The following TSHZ2 variants were observed in gnomAD, a reference collection of about 807,000 sequenced individuals.
TSHZ2 encodes the protein teashirt homolog 2.
In TSHZ2, 21 loss-of-function variants were observed where a neutral mutation model predicts 74.4. That is an observed-to-expected ratio of 0.28 (90% CI 0.20 to 0.41). The LOEUF is 0.41. Among genes scored for constraint, TSHZ2 ranks in the 10% least tolerant of loss-of-function variants. The probability of loss-of-function intolerance (pLI) is 1.00; values close to 1 mark genes in which losing one functional copy is unlikely to be tolerated. For synonymous variants in TSHZ2, 540 were observed against 515.3 expected (o/e 1.05, Z -0.65); for missense variants, 1,244 against 1,293.5 (o/e 0.96, Z 0.59).
intron 1 of TSHZ2, among the ~76,000 whole-genome samples, chr20:53,083,343 G>A (rs987471683): frequency 2.6e-5 from 4 of 152,138 alleles, no homozygotes; most frequent in Non-Finnish European, 5.9e-5. Flanking sequence ...ATAAGACATT[G>A]CTTGTAGGCC....
At chr20:53,425,869 TAGC>T (rs753839661) in intron 2 of TSHZ2, among the ~76,000 whole-genome samples, 1 of 151,990 alleles carries the variant, frequency 6.6e-6, no homozygotes, top group Non-Finnish European at 1.5e-5. Context: ...CAGAAACAGG[TAGC>T]AGGCTGAATT....
intron 1 of TSHZ2, among the ~76,000 whole-genome samples, chr20:53,231,241 C>T (rs1395672444): frequency 6.6e-6 from 1 of 152,192 alleles, no homozygotes; most frequent in East Asian, 1.9e-4. Context: ...TGACGGGAGA[C>T]AGAATATAGG....
chr20:53,336,266 C>T (rs1227338799), intron 2 of TSHZ2, among the ~76,000 whole-genome samples: 2 of 152,176 alleles, frequency 1.3e-5, no homozygotes, highest in Non-Finnish European at 2.9e-5. Flanking sequence ...AGAAATTCTA[C>T]CACGTCTCCT....
At chr20:53,428,640 TG>T (rs201980673) in intron 2 of TSHZ2, among the ~76,000 whole-genome samples, 2,324 of 152,280 alleles carry the variant, frequency 0.015, 21 homozygotes, top group Non-Finnish European at 0.022. Context: ...AACAGACAAA[TG>T]GGAAATTGTA....
At chr20:53,193,752 C>T (rs1485844119) in intron 1 of TSHZ2, among the ~76,000 whole-genome samples, 1 of 152,218 alleles carries the variant, frequency 6.6e-6, no homozygotes, top group Non-Finnish European at 1.5e-5. Context: ...GAGATTGCCA[C>T]TGCCATCCGC....
intron 2 of TSHZ2, among the ~76,000 whole-genome samples, chr20:53,345,891 C>T (rs543056942): frequency 5.5e-4 from 83 of 152,042 alleles, no homozygotes; most frequent in Non-Finnish European, 1.1e-3. Context: ...CACGAGGCAC[C>T]GGCAGCAGCC....
chr20:53,463,936 G>A (rs752050053), intron 2 of TSHZ2, among the ~76,000 whole-genome samples: 77 of 152,310 alleles, frequency 5.1e-4, no homozygotes, highest in Admixed American at 1.8e-3. Context: ...ACAATGGACC[G>A]AAGTGCTGAA....
At chr20:53,366,540 T>C (rs1255583822) in intron 2 of TSHZ2, among the ~76,000 whole-genome samples, 1 of 152,212 alleles carries the variant, frequency 6.6e-6, no homozygotes, top group Non-Finnish European at 1.5e-5. Context: ...TTACTACCTT[T>C]GTGGAAAGCG....
At chr20:53,188,019 G>C (rs1040345877) in intron 1 of TSHZ2, among the ~76,000 whole-genome samples, 1 of 152,136 alleles carries the variant, frequency 6.6e-6, no homozygotes, top group Non-Finnish European at 1.5e-5. Context: ...AAGACTTTCT[G>C]TTCCTGGAAC....
intron 2 of TSHZ2, among the ~76,000 whole-genome samples, chr20:53,350,077 C>T (rs1046586558): frequency 2.0e-5 from 3 of 152,190 alleles, no homozygotes; most frequent in African/African-American, 4.8e-5. Context: ...TGTATAAGGA[C>T]CCCTGTGATT....
rs552606246 is a variant in TSHZ2, at chr20:53,343,892, C to T, written c.*8+87321C>T. On this transcript the variant is annotated intron_variant, in intron 2 of 2. Transcript: ENST00000371497. ...AGAGCCAGGCATGAATAGCCTATCC[C>T]CGGCTCTAGCGGAACTCTTTACTTC... is the stretch of plus-strand genomic sequence containing the variant. Among the ~76,000 whole-genome samples, 77 of 152,294 alleles carry T rather than the reference C, an allele frequency of 5.1e-4. No individual in the cohort carries two copies. The Middle Eastern group carries it at 0.01, about 20-fold the overall frequency.
intron 2 of TSHZ2, among the ~76,000 whole-genome samples, chr20:53,344,096 T>C (rs1253261108): frequency 1.3e-5 from 2 of 152,002 alleles, no homozygotes; most frequent in Non-Finnish European, 2.9e-5. Context: ...TCCTTGTAAA[T>C]TGAGATATTT....
chr20:53,416,181 A>T (rs1225919654), intron 2 of TSHZ2, among the ~76,000 whole-genome samples: 1 of 152,168 alleles, frequency 6.6e-6, no homozygotes, highest in Non-Finnish European at 1.5e-5. Context: ...TTAGAGGGAG[A>T]TGAGAGAGAA....
intron 1 of TSHZ2, among the ~76,000 whole-genome samples, chr20:53,096,506 G>T (rs773350166): frequency 1.4e-4 from 21 of 152,070 alleles, no homozygotes; most frequent in Non-Finnish European, 2.6e-4. Context: ...TTTAGCAAAG[G>T]GGCAGGCGTG....
intron 2 of TSHZ2, among the ~76,000 whole-genome samples, chr20:53,295,268 T>C (rs1344482287): frequency 1.3e-5 from 2 of 150,060 alleles, no homozygotes; most frequent in African/African-American, 4.8e-5. Context: ...AACCCTCCTG[T>C]TCAAATCTTG....
chr20:53,095,060 A>T (rs1600686812), intron 1 of TSHZ2, among the ~76,000 whole-genome samples: 2 of 152,330 alleles, frequency 1.3e-5, no homozygotes, highest in South Asian at 2.1e-4. Flanking sequence ...CCCAACGCAA[A>T]ATGGCTCAGA....
intron 2 of TSHZ2, among the ~76,000 whole-genome samples, chr20:53,384,014 A>G (rs1981954959): frequency 6.6e-6 from 1 of 152,084 alleles, no homozygotes; most frequent in Non-Finnish European, 1.5e-5. Flanking sequence ...TGTGAGTTCC[A>G]CCTGGGGCTC....
intron 1 of TSHZ2, among the ~76,000 whole-genome samples, chr20:53,046,320 G>A (rs560617264): frequency 9.9e-5 from 15 of 152,086 alleles, no homozygotes; most frequent in Non-Finnish European, 1.6e-4. Context: ...CGTGACCTCC[G>A]CCGCCAACAT....
At chr20:53,184,336 A>G (rs1480791232) in intron 1 of TSHZ2, among the ~76,000 whole-genome samples, 1 of 152,164 alleles carries the variant, frequency 6.6e-6, no homozygotes, top group East Asian at 1.9e-4. Flanking sequence ...GTGGTGAACA[A>G]AACCACTGAG....
Sources: gnomAD v4.1 joint callset for allele counts (sites outside exome capture counted in the v4.1 genomes callset) on GRCh38, gnomAD v4.1.1 for gene constraint, MANE v1.5 for transcripts, NCBI Gene and HGNC (gene_info 2026-07-23, HGNC 2026-07-21) for gene names.